Variants in NRG1 observed in about 807,000 individuals in gnomAD.
The protein encoded by NRG1 is pro-neuregulin-1, membrane-bound isoform.
Under a neutral mutation model 63.8 loss-of-function variants are expected in NRG1, and 18 were observed. The observed-to-expected ratio is 0.28, with a 90% CI of 0.19 to 0.42. The LOEUF (loss-of-function observed/expected upper bound fraction) is 0.42, where lower values mean the gene tolerates loss of function less well. NRG1 is among the 10% of genes least tolerant of loss of function. The pLI, the probability that NRG1 is intolerant of heterozygous loss-of-function variation, is 1.00. For missense variants in NRG1, 762 were observed against 814.7 expected (o/e 0.94, Z 0.79); for synonymous variants, 302 against 301.3 (o/e 1.00, Z -0.02).
At chr8:32,683,154 G>A (rs955667589) in intron 5 of NRG1, among the ~76,000 whole-genome samples, 1 of 152,168 alleles carries the variant, frequency 6.6e-6, no homozygotes, top group Non-Finnish European at 1.5e-5. Context: ...GCAGACAAAT[G>A]AGAACCTTGC....
chr8:32,406,009 C>T (rs1176030964), intron 1 of NRG1, among the ~76,000 whole-genome samples: 5 of 152,214 alleles, frequency 3.3e-5, no homozygotes, highest in Admixed American at 1.3e-4. Context: ...ATAGCTCTTC[C>T]GCAGCCAGGG....
chr8:32,040,009 C>T lies in NRG1; in HGVS notation c.37+400578C>T, dbSNP rs938959999. Among the ~76,000 whole-genome samples the T allele has an allele frequency of 4.6e-5, 7 of 151,966 alleles. No homozygotes were observed. In the East Asian group the frequency reaches 1.4e-3, roughly 29 times the overall value. The stretch of plus-strand genomic sequence containing the variant: ...TGCACTCCAGCCTAGGTGACAGAGC[C>T]AGATCCTGTCTCAAAACCAGAAAAC... On this transcript the variant is annotated intron_variant, in intron 1 of 10. Coordinates refer to the NRG1 transcript ENST00000519301.
intron 1 of NRG1, among the ~76,000 whole-genome samples, chr8:31,988,762 A>T (rs1209561373): frequency 6.6e-6 from 1 of 152,122 alleles, no homozygotes; most frequent in Non-Finnish European, 1.5e-5. Flanking sequence ...AAGTGGAGAA[A>T]TAATAAACAC....
intron 1 of NRG1, among the ~76,000 whole-genome samples, chr8:32,254,341 CT>C (rs1849447582): frequency 6.6e-6 from 1 of 152,226 alleles, no homozygotes; most frequent in Non-Finnish European, 1.5e-5. Context: ...CGTCTACACA[CT>C]GCTTTAGCTG....
At chr8:31,832,843 T>C (rs1825300918) in intron 1 of NRG1, among the ~76,000 whole-genome samples, 1 of 152,178 alleles carries the variant, frequency 6.6e-6, no homozygotes, top group Non-Finnish European at 1.5e-5. Flanking sequence ...ATATAGTAGT[T>C]TCTAATGTAC....
In NRG1 at chr8:31,857,017, G is replaced by C. The variant is rs559478055; in HGVS notation, c.37+217586G>C. Among the ~76,000 whole-genome samples, 46 of 152,310 alleles carry C rather than the reference G, an allele frequency of 3.0e-4. 1 individual carries two copies. The South Asian group carries it at 9.3e-3, about 31-fold the overall frequency. ...TGGGAGAACCACTGCTCTCTTCAAAGCTGTCAGACAGGGACATTTAAGTCT... is the reference window on the plus strand; with the variant it reads ...TGGGAGAACCACTGCTCTCTTCAAACCTGTCAGACAGGGACATTTAAGTCT... On this transcript the variant is annotated intron_variant, in intron 1 of 10. Transcript: ENST00000519301.
chr8:32,721,949 G>A, intron 5 of NRG1: 1 of 1,539,392 alleles, frequency 6.5e-7, no homozygotes, highest in Non-Finnish European at 8.8e-7. Context: ...GCTATATTCA[G>A]AGCAAGAATA....
intron 1 of NRG1, among the ~76,000 whole-genome samples, chr8:32,484,992 G>A (rs1825738301): frequency 6.6e-6 from 1 of 152,188 alleles, no homozygotes; most frequent in Non-Finnish European, 1.5e-5. Context: ...TGCAAAGAAG[G>A]ATTCCAAAGG....
At chr8:31,888,773 A>G (rs994395754) in intron 1 of NRG1, among the ~76,000 whole-genome samples, 5 of 152,090 alleles carry the variant, frequency 3.3e-5, no homozygotes, top group African/African-American at 1.2e-4. Context: ...GGCAGATTTT[A>G]TATATCACCA....
intron 1 of NRG1, among the ~76,000 whole-genome samples, chr8:31,797,099 C>T (rs1002867150): frequency 6.6e-6 from 1 of 152,150 alleles, no homozygotes; most frequent in African/African-American, 2.4e-5. Flanking sequence ...CTGTGATATG[C>T]TTCCTTATTG....
At chr8:32,261,898 T>C (rs1397089145) in intron 1 of NRG1, among the ~76,000 whole-genome samples, 4 of 152,174 alleles carry the variant, frequency 2.6e-5, no homozygotes, top group Admixed American at 6.6e-5. Context: ...CTATCTTGCA[T>C]TGGGATTCAT....
chr8:32,465,964 T>G (rs1823010739), intron 1 of NRG1, among the ~76,000 whole-genome samples: 1 of 152,166 alleles, frequency 6.6e-6, no homozygotes, highest in African/African-American at 2.4e-5. Context: ...ATCACAACAA[T>G]GCTACAGTGA....
At chr8:31,902,430 A>G (rs572515320) in intron 1 of NRG1, among the ~76,000 whole-genome samples, 1 of 152,308 alleles carries the variant, frequency 6.6e-6, no homozygotes, top group South Asian at 2.1e-4. Flanking sequence ...AACTCTGATT[A>G]CAAAGTAATT....
At chr8:32,043,081 A>T (rs1382442322) in intron 1 of NRG1, among the ~76,000 whole-genome samples, 1 of 151,908 alleles carries the variant, frequency 6.6e-6, no homozygotes, top group African/African-American at 2.4e-5. Context: ...ATAAACCTAC[A>T]GATTCAAGGA....
intron 1 of NRG1, among the ~76,000 whole-genome samples, chr8:31,742,494 TG>T: frequency 1.0e-5 from 1 of 100,100 alleles, no homozygotes; most frequent in Non-Finnish European, 2.1e-5. Flanking sequence ...CGAAAGCTAT[TG>T]TCTTCTATGG....
chr8:31,769,017 TA>T (rs937140299), intron 1 of NRG1, among the ~76,000 whole-genome samples: 8 of 151,910 alleles, frequency 5.3e-5, no homozygotes, highest in African/African-American at 1.4e-4. Flanking sequence ...CATCACATTA[TA>T]AAAAAAAATT....
intron 1 of NRG1, among the ~76,000 whole-genome samples, chr8:31,854,460 C>T (rs1405771360): frequency 6.6e-6 from 1 of 151,348 alleles, no homozygotes. Flanking sequence ...TGGTGATATC[C>T]CCTTTATCAT....
At chr8:32,551,197 C>T (rs1320270974) in intron 1 of NRG1, among the ~76,000 whole-genome samples, 1 of 152,142 alleles carries the variant, frequency 6.6e-6, no homozygotes, top group African/African-American at 2.4e-5. Flanking sequence ...AGGTTTCAGG[C>T]ATTCCCAAAG....
At chr8:32,354,668 G>A (rs1438420617) in intron 1 of NRG1, among the ~76,000 whole-genome samples, 1 of 151,402 alleles carries the variant, frequency 6.6e-6, no homozygotes, top group Non-Finnish European at 1.5e-5. Context: ...CGAGGTGGGA[G>A]AATTAAGGCC....
Sources: gnomAD v4.1 joint callset for allele counts (sites outside exome capture counted in the v4.1 genomes callset) on GRCh38, gnomAD v4.1.1 for gene constraint, MANE v1.5 for transcripts, NCBI Gene and HGNC (gene_info 2026-07-23, HGNC 2026-07-21) for gene names.